The following LRP1B variants were observed in gnomAD, a reference collection of about 807,000 sequenced individuals.
The protein encoded by LRP1B is low-density lipoprotein receptor-related protein 1B.
LRP1B carries 217 observed loss-of-function variants against 556.6 expected under a neutral mutation model. The observed-to-expected ratio is 0.39, with a 90% CI of 0.35 to 0.44. The LOEUF is 0.44. Among genes scored for constraint, LRP1B ranks in the 20% least tolerant of loss-of-function variants. The pLI is 1.00. For synonymous variants in LRP1B, 2,047 were observed against 1,865.8 expected, an observed-to-expected ratio of 1.10 and a Z score of -2.50; for missense variants, 5,053 against 5,620.8, an observed-to-expected ratio of 0.90 and a Z score of 3.23.
chr2:141,302,393 T>C (rs1238676393), intron 3 of LRP1B, among the ~76,000 whole-genome samples: 3 of 152,136 alleles, frequency 2.0e-5, no homozygotes, highest in Non-Finnish European at 2.9e-5. Flanking sequence ...CTTCAGATTA[T>C]GTAATTAATA....
chr2:141,709,862 T>C (rs1012396138), intron 2 of LRP1B, among the ~76,000 whole-genome samples: 1 of 152,128 alleles, frequency 6.6e-6, no homozygotes, highest in East Asian at 1.9e-4. Flanking sequence ...AAGTTATTTC[T>C]CACAGATCTG....
intron 73 of LRP1B, 107 bp downstream of exon 73, chr2:140,358,713 TG>T: frequency 8.9e-7 from 1 of 1,121,458 alleles, no homozygotes; most frequent in Non-Finnish European, 1.3e-6. Context: ...CTGAAAATAA[TG>T]CCCTCAGATG....
chr2:141,655,790 G>T (rs989775488), intron 2 of LRP1B, among the ~76,000 whole-genome samples: 1 of 151,960 alleles, frequency 6.6e-6, no homozygotes, highest in African/African-American at 2.4e-5. Context: ...CTTTCTCCAG[G>T]TTATACAGTC....
chr2:141,188,551 G>T lies in LRP1B; in HGVS notation c.883C>A (p.Arg295=). 3 of 1,612,288 alleles carry T rather than the reference G, an allele frequency of 1.9e-6. No homozygotes were observed. In the South Asian group the frequency reaches 3.3e-5, roughly 18 times the overall value. Residue 295 remains arginine (R), a synonymous_variant, in exon 7 of 91, where the codon CGA becomes AGA. Coordinates refer to ENST00000389484, the MANE Select transcript of LRP1B (RefSeq NM_018557.3). ...VQQMAIDWLT[R]NLYFVDHVGD... is the part of the protein sequence containing the mutation. ...ACATGGTCCACAAAATAGAGATTTC[G>T]AGTGAGCCAGTCAATCGCCATTTGT... is the stretch of plus-strand genomic sequence containing the variant.
At chr2:140,540,587 T>C (rs1242167663) in intron 45 of LRP1B, among the ~76,000 whole-genome samples, 1 of 152,142 alleles carries the variant, frequency 6.6e-6, no homozygotes, top group East Asian at 1.9e-4. Flanking sequence ...TGAGTGGTTT[T>C]ACTGCAAGGC....
intron 43 of LRP1B, among the ~76,000 whole-genome samples, chr2:140,595,741 T>G (rs1682416551): frequency 6.6e-6 from 1 of 152,130 alleles, no homozygotes; most frequent in Non-Finnish European, 1.5e-5. Flanking sequence ...AACATGCACA[T>G]GTACTCCCTG....
intron 2 of LRP1B, among the ~76,000 whole-genome samples, chr2:141,677,483 T>C (rs541752003): frequency 1.1e-4 from 17 of 152,224 alleles, no homozygotes; most frequent in African/African-American, 4.1e-4. Flanking sequence ...ATGTGAGTTT[T>C]ATATGTATAT....
chr2:140,316,182 C>T (rs1037045784), intron 82 of LRP1B, among the ~76,000 whole-genome samples: 3 of 152,066 alleles, frequency 2.0e-5, no homozygotes, highest in Admixed American at 1.3e-4. Flanking sequence ...TTCAATGGAA[C>T]AAAACTGATT....
intron 35 of LRP1B, among the ~76,000 whole-genome samples, chr2:140,734,775 C>T (rs888740072): frequency 2.1e-5 from 3 of 143,844 alleles, no homozygotes; most frequent in African/African-American, 7.7e-5. Context: ...CCCTTTCCTG[C>T]AACATGTGGA....
intron 1 of LRP1B, among the ~76,000 whole-genome samples, chr2:141,969,773 A>T (rs1437161963): frequency 6.6e-6 from 1 of 151,542 alleles, no homozygotes; most frequent in East Asian, 1.9e-4. Flanking sequence ...TGGTAGAGGG[A>T]TTTACTGTAT....
chr2:140,373,258 C>A, intron 68 of LRP1B, 121 bp from the exon 69 acceptor site: 1 of 805,720 alleles, frequency 1.2e-6, no homozygotes, highest in Non-Finnish European at 1.9e-6. Flanking sequence ...ACTTGTTTCA[C>A]AACTTCTCTG....
intron 41 of LRP1B, among the ~76,000 whole-genome samples, chr2:140,657,526 A>C (rs370982018): frequency 1.1e-3 from 170 of 149,668 alleles, no homozygotes; most frequent in Middle Eastern, 3.6e-3. Flanking sequence ...GGCTGGCTGG[A>C]TGGATGGATG....
Position 140,951,237 on chromosome 2 carries a change from T to C in LRP1B, c.2968+623A>G, listed in dbSNP as rs566619647. ...TTACCCCTCCTCCTTGGCTCCTCTG[T>C]ATATATTTGTACTTGGAAACTGTTG... On this transcript the variant is annotated intron_variant, in intron 19 of 90. Coordinates refer to ENST00000389484, the MANE Select transcript of LRP1B (RefSeq NM_018557.3). Among the ~76,000 whole-genome samples, 4 of 152,238 alleles carry C rather than the reference T, an allele frequency of 2.6e-5. No individual in the cohort carries two copies. In the South Asian group the frequency reaches 8.3e-4, roughly 32 times the overall value.
At chr2:140,704,252 G>C (rs1167760611) in intron 37 of LRP1B, among the ~76,000 whole-genome samples, 1 of 152,014 alleles carries the variant, frequency 6.6e-6, no homozygotes, top group Non-Finnish European at 1.5e-5. Flanking sequence ...ACTCACTGGA[G>C]TTATTTAAGT....
At chr2:140,892,470 C>T (rs746401370) in intron 23 of LRP1B, among the ~76,000 whole-genome samples, 11 of 152,160 alleles carry the variant, frequency 7.2e-5, no homozygotes, top group Admixed American at 2.0e-4. Flanking sequence ...ATAAAACAAA[C>T]GCAAACAAAA....
chr2:141,607,581 G>A (rs893151750), intron 2 of LRP1B, among the ~76,000 whole-genome samples: 2 of 151,968 alleles, frequency 1.3e-5, no homozygotes, highest in Non-Finnish European at 2.9e-5. Flanking sequence ...TCAACATATT[G>A]CCCCAAAGTT....
chr2:141,369,612 A>G (rs954810536), intron 3 of LRP1B, among the ~76,000 whole-genome samples: 1 of 152,170 alleles, frequency 6.6e-6, no homozygotes, highest in African/African-American at 2.4e-5. Context: ...CAGTTTTTAC[A>G]ATTCCAAGAT....
chr2:141,128,516 C>T (rs111535006), intron 7 of LRP1B, among the ~76,000 whole-genome samples: 2 of 152,210 alleles, frequency 1.3e-5, no homozygotes, highest in South Asian at 4.1e-4. Flanking sequence ...TTCTCCCTTA[C>T]TGTTCTTCCA....
At position 140,702,535 on chromosome 2, in the gene LRP1B, T is replaced by C. The variant is rs1559065051; in HGVS notation, c.6042A>G (p.Glu2014=). Residue 2014 remains glutamate, a synonymous_variant, in exon 38 of 91, where the codon GAA becomes GAG. Transcript: ENST00000389484. The stretch of plus-strand genomic sequence containing the variant: ...TTCCAATACAGGGCATTTGTCCCCA[T>C]TCAGTCCAGAACAAGAGGCTGAAAT... ...HPEKGLLFWT[E]WGQMPCIGKA... 2 of 1,613,208 alleles carry C rather than the reference T, an allele frequency of 1.2e-6. No homozygotes were observed. The highest frequency in any genetic ancestry group is 8.5e-7 in the Non-Finnish European group (1 of 1,179,532).
Sources: gnomAD v4.1 joint callset for allele counts (sites outside exome capture counted in the v4.1 genomes callset) on GRCh38, gnomAD v4.1.1 for gene constraint, MANE v1.5 for transcripts, NCBI Gene and HGNC (gene_info 2026-07-23, HGNC 2026-07-21) for gene names.